Variants in SYNPO2 observed in about 807,000 individuals in gnomAD.
SYNPO2 encodes synaptopodin 2, also known as synaptopodin-2.
SYNPO2 carries 56 observed loss-of-function variants against 85.0 expected under a neutral mutation model. The observed-to-expected ratio is 0.66, with a 90% confidence interval of 0.53 to 0.82. The LOEUF is 0.82. SYNPO2 is among the 40% of genes least tolerant of loss of function. The pLI is 0.00. For synonymous variants in SYNPO2, 602 were observed against 591.1 expected, an observed-to-expected ratio of 1.02 and a Z score of -0.27; for missense variants, 1,575 against 1,534.2, an observed-to-expected ratio of 1.03 and a Z score of -0.44.
intron 1 of SYNPO2, among the ~76,000 whole-genome samples, chr4:119,021,000 A>G (rs114249000): frequency 0.13 from 20,244 of 152,214 alleles, 1,719 homozygotes; most frequent in Middle Eastern, 0.22. Flanking sequence ...ATATTTTCTA[A>G]TAAATTAGTG....
At chr4:118,887,172 T>A (rs959984858), upstream of SYNPO2, among the ~76,000 whole-genome samples, 52 of 139,670 alleles carry the variant, frequency 3.7e-4, no homozygotes, top group Non-Finnish European at 6.8e-4. Context: ...AGTGAGTGTG[T>A]GTGTGTGTGT....
intron 1 of SYNPO2, among the ~76,000 whole-genome samples, chr4:118,941,004 G>A (rs1265375630): frequency 2.6e-5 from 4 of 152,120 alleles, no homozygotes; most frequent in African/African-American, 7.2e-5. Context: ...TCACTGGGAC[G>A]TAATTTGTAA....
At chr4:118,887,478 T>TATA (rs1732224540), upstream of SYNPO2, among the ~76,000 whole-genome samples, 1 of 152,210 alleles carries the variant, frequency 6.6e-6, no homozygotes, top group South Asian at 2.1e-4. Context: ...AGGTACTCCT[T>TATA]ATAATTTTCC....
intron 1 of SYNPO2, among the ~76,000 whole-genome samples, chr4:119,015,410 AGTT>A (rs1560981994): frequency 6.6e-6 from 1 of 152,172 alleles, no homozygotes. Flanking sequence ...GGATTCATCT[AGTT>A]GAGACAAATG....
intron 1 of SYNPO2, among the ~76,000 whole-genome samples, chr4:118,999,139 C>T (rs1262753586): frequency 6.6e-6 from 1 of 152,012 alleles, no homozygotes; most frequent in Non-Finnish European, 1.5e-5. Flanking sequence ...ACTCATTTAC[C>T]ATGATGGATA....
At chr4:119,025,676 G>A (rs1485241827) in intron 2 of SYNPO2, among the ~76,000 whole-genome samples, 2 of 152,042 alleles carry the variant, frequency 1.3e-5, no homozygotes, top group African/African-American at 2.4e-5. Flanking sequence ...GAGGAAAGGG[G>A]CAAAGATAAT....
At chr4:118,910,072 A>G (rs954653094) in intron 1 of SYNPO2, among the ~76,000 whole-genome samples, 2 of 152,312 alleles carry the variant, frequency 1.3e-5, no homozygotes, top group Admixed American at 1.3e-4. Context: ...TCATGTAGCT[A>G]AAGTATTGAC....
chr4:118,914,141 G>A lies in SYNPO2; in HGVS notation c.105+25000G>A, dbSNP rs1182364747. On this transcript the variant is annotated intron_variant, in intron 1 of 4. Transcript: ENST00000307142. Reference sequence around the variant, plus strand: ...GATTGTTTCATCTTGGATGACAAAGGGATGGATGTTGGATTTATTGAGAGA... The same window carrying A: ...GATTGTTTCATCTTGGATGACAAAGAGATGGATGTTGGATTTATTGAGAGA... 2.6e-5 allele frequency among the ~76,000 whole-genome samples: 4 copies of A among 152,246 alleles called. No individual in the cohort carries two copies. The East Asian group carries it at 7.7e-4, about 29-fold the overall frequency.
intron 1 of SYNPO2, among the ~76,000 whole-genome samples, chr4:119,004,512 T>G (rs1410385763): frequency 6.7e-6 from 1 of 149,186 alleles, no homozygotes; most frequent in East Asian, 2.0e-4. Context: ...TTGCTGAGAA[T>G]GGTGGTTTCC....
chr4:119,012,916 A>G (rs536178241), intron 1 of SYNPO2, among the ~76,000 whole-genome samples: 1 of 152,048 alleles, frequency 6.6e-6, no homozygotes, highest in East Asian at 1.9e-4. Flanking sequence ...CCTTACTTCT[A>G]CTTGCTTTTG....
intron 1 of SYNPO2, among the ~76,000 whole-genome samples, chr4:118,871,370 A>G (rs2110572334): frequency 6.6e-6 from 1 of 151,036 alleles, no homozygotes; most frequent in African/African-American, 2.4e-5. Flanking sequence ...TTTTTTTTTA[A>G]AGAATTGTTT....
At chr4:119,037,296 G>GA (rs1272059825) in intron 4 of SYNPO2, 4 of 1,291,182 alleles carry the variant, frequency 3.1e-6, no homozygotes, top group Non-Finnish European at 3.0e-6. Context: ...GTTTGTTCAT[G>GA]AAAAAAAATT....
chr4:119,031,028 C>T lies in SYNPO2; in HGVS notation c.2253C>T (p.Ala751=). Residue 751 remains alanine, a synonymous_variant, in exon 4 of 5, where the codon GCC becomes GCT. Coordinates refer to ENST00000307142, the MANE Select transcript of SYNPO2 (RefSeq NM_133477.3). ...EACNFMQSSS[A]KQKTPPPVAP... ...GTAATTTCATGCAAAGCTCCTCTGC[C>T]AAACAAAAGACCCCTCCTCCTGTTG... The T allele has an allele frequency of 1.2e-6, 2 of 1,614,020 alleles. No individual in the cohort carries two copies. Among genetic ancestry groups the T allele is most frequent in the Non-Finnish European group, 1.7e-6 (2 of 1,180,008 alleles).
In SYNPO2 at chr4:119,027,506, A is replaced by G. The variant is rs563287212; in HGVS notation, c.1069+68A>G. The stretch of plus-strand genomic sequence containing the variant: ...GGCATTTTGCTGCTTCTTTGCTTGC[A>G]TGAGTTTTTCAGCAAGATTTTTCTT... On this transcript the variant is annotated intron_variant, in intron 3 of 4. Transcript: ENST00000307142. 4.3e-6 allele frequency: 6 copies of G among 1,394,222 alleles called. No individual in the cohort carries two copies. The East Asian group carries it at 9.9e-5, about 23-fold the overall frequency. 86.4% of individuals were successfully genotyped at this position (1,394,222 alleles called of 1,614,324 possible). A position where few individuals can be genotyped will look rare whatever the true frequency, so the allele number is the denominator to read the frequency against.
intron 1 of SYNPO2, among the ~76,000 whole-genome samples, chr4:118,982,596 T>C (rs2149163652): frequency 6.6e-6 from 1 of 152,346 alleles, no homozygotes; most frequent in East Asian, 1.9e-4. Context: ...CTGGTTCCGC[T>C]CATCTCTGAT....
rs565132363 is a variant in SYNPO2 at position 118,891,732 on chromosome 4, A to T, written c.105+2591A>T. 3.9e-5 allele frequency among the ~76,000 whole-genome samples: 6 copies of T among 152,354 alleles called. No homozygotes were observed. The East Asian group carries it at 1.2e-3, about 29-fold the overall frequency. On this transcript the variant is annotated intron_variant, in intron 1 of 4. Transcript: ENST00000307142. ...ACTGGTGATAGCTTATTAGGGCTGG[A>T]TGCAAGGAAAGAGACAGAAAGGCTA...
intron 1 of SYNPO2, among the ~76,000 whole-genome samples, chr4:118,882,190 A>C (rs115049322): frequency 0.015 from 2,227 of 152,300 alleles, 31 homozygotes; most frequent in Non-Finnish European, 0.021. Context: ...AAAATGAAAC[A>C]ACAAAAAAAT....
At chr4:118,852,817 T>G (rs368496355) in intron 1 of SYNPO2, among the ~76,000 whole-genome samples, 2 of 152,180 alleles carry the variant, frequency 1.3e-5, no homozygotes, top group African/African-American at 4.8e-5. Flanking sequence ...CAAACCCCAT[T>G]ACACAAGTTT....
intron 4 of SYNPO2, among the ~76,000 whole-genome samples, chr4:119,047,293 C>T (rs1738901875): frequency 6.6e-6 from 1 of 152,206 alleles, no homozygotes; most frequent in Non-Finnish European, 1.5e-5. Context: ...CTCCTTACCT[C>T]AGATGATCCA....
Sources: gnomAD v4.1 joint callset for allele counts (sites outside exome capture counted in the v4.1 genomes callset) on GRCh38, gnomAD v4.1.1 for gene constraint, MANE v1.5 for transcripts, NCBI Gene and HGNC (gene_info 2026-07-23, HGNC 2026-07-21) for gene names.